KIAA0319: variants seen among roughly 807,000 people sequenced by gnomAD.
The protein encoded by KIAA0319 is dyslexia-associated protein KIAA0319.
A neutral mutation model predicts 108.4 loss-of-function variants in KIAA0319; 83 were observed. The observed-to-expected ratio is 0.77, with a 90% CI of 0.64 to 0.92. The LOEUF is 0.92. Ranked by LOEUF, KIAA0319 falls within the 40% of genes least tolerant of loss-of-function variation. The pLI is 0.00. For missense variants in KIAA0319, 1,195 were observed against 1,322.4 expected, an observed-to-expected ratio of 0.90 and a Z score of 1.49; for synonymous variants, 484 against 510.4, an observed-to-expected ratio of 0.95 and a Z score of 0.70.
chr6:24,544,281 ATCCCT>A lies in KIAA0319; in HGVS notation c.*2879_*2883del, dbSNP rs1170090329. 1 of 152,234 alleles carries A rather than the reference ATCCCT, an allele frequency of 6.6e-6. No individual in the cohort carries two copies. Among genetic ancestry groups the A allele is most frequent in the Non-Finnish European group, 1.5e-5 (1 of 68,048 alleles). 9.4% of individuals were successfully genotyped at this position (152,234 alleles called of 1,614,324 possible). A position where few individuals can be genotyped will look rare whatever the true frequency, so the allele number is the denominator to read the frequency against. ...GTTTGCTGACCTATACTCAAGGGAA[ATCCCT>A]CTACCCTGAAGCATAAAGAAAACAA... On this transcript the variant is annotated 3_prime_UTR_variant, in exon 21 of 21. Coordinates refer to ENST00000378214, the MANE Select transcript of KIAA0319 (RefSeq NM_014809.4).
At chr6:24,595,831 C>T in intron 3 of KIAA0319, 42 bp downstream of exon 3, 2 of 1,550,572 alleles carry the variant, frequency 1.3e-6, no homozygotes, top group Middle Eastern at 1.8e-4. Flanking sequence ...GTCTGCCCCA[C>T]TCAGCCCATC....
In KIAA0319 at chr6:24,582,299, A is replaced by T; in HGVS notation, c.1141T>A (p.Tyr381Asn). 1 of 1,612,200 alleles carries T rather than the reference A, an allele frequency of 6.2e-7. No homozygotes were observed. Among genetic ancestry groups the T allele is most frequent in the Non-Finnish European group, 8.5e-7 (1 of 1,178,452 alleles). ...EWNLISHPTD[Y>N]QGEIKQGHKQ... ...TGTCCTTGTTTTATTTCACCTTGGT[A>T]GTCTGTGGGGTGGCTTATTAAATTC... The change falls in exon 6 of 21, where the codon TAC (tyrosine) becomes AAC (asparagine). Residue 381 changes from tyrosine (Y) to asparagine (N), a missense_variant. Tyr to Asn is a moderately radical substitution (Grantham distance 143). Transcript: ENST00000378214.
Position 24,572,647 on chromosome 6 carries a change from T to C in KIAA0319, c.1786A>G (p.Thr596Ala), listed in dbSNP as rs1369199054. 6.2e-7 allele frequency: 1 copy of C among 1,613,906 alleles called. No individual in the cohort carries two copies. Reference sequence around the variant, plus strand: ...GAATCTGTCACCTTCAGCTGAAATGTATAATCTCCTTCCTGCATTGCAGAT... The same window carrying C: ...GAATCTGTCACCTTCAGCTGAAATGCATAATCTCCTTCCTGCATTGCAGAT... Reference protein sequence around the residue: ...HLSAMQEGDYTFQLKVTDSSR... With the variant: ...HLSAMQEGDYAFQLKVTDSSR... The change falls in exon 11 of 21, where the codon ACA becomes GCA. Residue 596 changes from threonine (T) to alanine (A), a missense_variant. Physicochemically the swap from Thr to Ala is moderately conservative, Grantham distance 58. Transcript: ENST00000378214.
intron 1 of KIAA0319, among the ~76,000 whole-genome samples, chr6:24,636,615 CA>C (rs965236623): frequency 1.9e-4 from 29 of 151,956 alleles, no homozygotes; most frequent in Non-Finnish European, 3.2e-4. Flanking sequence ...TGATACTTTA[CA>C]AAAAAACTGT....
At chr6:24,601,391 A>G in intron 1 of KIAA0319, 183 bp from the exon 2 acceptor site, 11 of 838,496 alleles carry the variant, frequency 1.3e-5, no homozygotes, top group Non-Finnish European at 1.6e-5. Context: ...GTTCCTAAGA[A>G]GAGCCAAAGA....
rs374772586 is a variant in KIAA0319, at chr6:24,614,134, T to G, written c.-105-12926A>C. Among the ~76,000 whole-genome samples the G allele has an allele frequency of 1.4e-4, 22 of 152,352 alleles. 1 individual carries two copies. Among genetic ancestry groups the G allele is most frequent in the African/African-American group, 5.1e-4 (21 of 41,578 alleles). On this transcript the variant is annotated intron_variant, in intron 1 of 20. Coordinates refer to ENST00000378214, the MANE Select transcript of KIAA0319 (RefSeq NM_014809.4). ...TACCCCGTGGCAGGTTTCCTAAGAC[T>G]GTGATGAATTGCGAGCATGTTTCAC... is the stretch of plus-strand genomic sequence containing the variant.
Position 24,546,953 on chromosome 6 carries a change from C to A in KIAA0319, c.*212G>T. The A allele has an allele frequency of 1.9e-6, 1 of 517,848 alleles. No homozygotes were observed. Among genetic ancestry groups the A allele is most frequent in the Non-Finnish European group, 3.5e-6 (1 of 289,166 alleles). 32.1% of individuals were successfully genotyped at this position (517,848 alleles called of 1,614,324 possible). ...GTATATACCTTAGAGTTTTACCCAGCCTTTATTTCTATTAACAAGCATCTC... is the reference window on the plus strand; with the variant it reads ...GTATATACCTTAGAGTTTTACCCAGACTTTATTTCTATTAACAAGCATCTC... On this transcript the variant is annotated 3_prime_UTR_variant, in exon 21 of 21. Transcript: ENST00000378214.
chr6:24,596,253 A>C lies in KIAA0319; in HGVS notation c.421T>G (p.Leu141Val). 1 of 1,614,188 alleles carries C rather than the reference A, an allele frequency of 6.2e-7. No homozygotes were observed. Among genetic ancestry groups the C allele is most frequent in the South Asian group, 1.1e-5 (1 of 91,080 alleles). ...CCCCAATCTTTGCCTAGAAAGGTCA[A>C]GTCCTTTCTGATATCCTCAGGTGAG... ...GDSPEDIRKD[L>V]TFLGKDWGLE... Residue 141 changes from leucine to valine, a missense_variant, in exon 3 of 21, where the codon TTG becomes GTG. Coordinates refer to ENST00000378214, the MANE Select transcript of KIAA0319 (RefSeq NM_014809.4).
chr6:24,563,058 C>T (rs1443467963), intron 16 of KIAA0319, among the ~76,000 whole-genome samples: 1 of 152,134 alleles, frequency 6.6e-6, no homozygotes, highest in African/African-American at 2.4e-5. Context: ...TTCACATGCT[C>T]CAGACCCCTT....
intron 10 of KIAA0319, among the ~76,000 whole-genome samples, chr6:24,574,156 G>A (rs1014370092): frequency 1.1e-4 from 17 of 151,526 alleles, no homozygotes; most frequent in Admixed American, 7.9e-4. Flanking sequence ...ACTTTTTGCC[G>A]GGTGTGGTGG....
At chr6:24,565,329 A>C (rs983192657) in intron 14 of KIAA0319, among the ~76,000 whole-genome samples, 2 of 151,896 alleles carry the variant, frequency 1.3e-5, no homozygotes, top group Non-Finnish European at 2.9e-5. Context: ...CTAAATCTGT[A>C]TCTCTCCAGT....
intron 1 of KIAA0319, among the ~76,000 whole-genome samples, chr6:24,632,193 G>A (rs936554177): frequency 6.6e-6 from 1 of 152,194 alleles, no homozygotes; most frequent in African/African-American, 2.4e-5. Context: ...CAGGAAATAA[G>A]TGGTTTATAA....
chr6:24,571,625 T>G (rs1323184957), intron 11 of KIAA0319, among the ~76,000 whole-genome samples: 1 of 151,972 alleles, frequency 6.6e-6, no homozygotes, highest in Non-Finnish European at 1.5e-5. Context: ...CATTCCCACA[T>G]CCCTACCTCT....
intron 20 of KIAA0319, 24 bp downstream of exon 20, chr6:24,551,410 C>T (rs755569182): frequency 2.0e-6 from 3 of 1,505,390 alleles, no homozygotes; most frequent in South Asian, 1.1e-5. Context: ...AGGTGCCAGG[C>T]AGTCATTCTG....
intron 1 of KIAA0319, among the ~76,000 whole-genome samples, chr6:24,627,937 A>G (rs1172909161): frequency 6.6e-6 from 1 of 152,246 alleles, no homozygotes; most frequent in Non-Finnish European, 1.5e-5. Flanking sequence ...AATGCTGAAG[A>G]CATGTCCTGA....
At chr6:24,579,431 A>C (rs180975613) in intron 8 of KIAA0319, among the ~76,000 whole-genome samples, 21 of 134,714 alleles carry the variant, frequency 1.6e-4, no homozygotes, top group Non-Finnish European at 3.0e-4. Context: ...ATATATATAT[A>C]TCTTATATAT....
intron 2 of KIAA0319, chr6:24,598,324 A>G (rs1770060945): frequency 3.0e-6 from 2 of 676,774 alleles, no homozygotes; most frequent in South Asian, 3.0e-5. Context: ...GATCAAGACC[A>G]TCAACAACAA....
chr6:24,614,771 T>C (rs1772904629), intron 1 of KIAA0319, among the ~76,000 whole-genome samples: 1 of 152,148 alleles, frequency 6.6e-6, no homozygotes, highest in African/African-American at 2.4e-5. Flanking sequence ...AAATATTTAT[T>C]ATAGAGAATC....
intron 3 of KIAA0319, 38 bp downstream of exon 3, chr6:24,595,835 G>A (rs1258146721): frequency 1.3e-6 from 2 of 1,552,978 alleles, no homozygotes; most frequent in African/African-American, 2.7e-5. Context: ...GCCCCACTCA[G>A]CCCATCCCAC....
Sources: gnomAD v4.1 joint callset for allele counts (sites outside exome capture counted in the v4.1 genomes callset) on GRCh38, gnomAD v4.1.1 for gene constraint, MANE v1.5 for transcripts, NCBI Gene and HGNC (gene_info 2026-07-23, HGNC 2026-07-21) for gene names.